Variants in SBF2 observed in about 807,000 individuals in gnomAD.
The protein encoded by SBF2 is myotubularin-related protein 13.
SBF2 carries 112 observed loss-of-function variants against 225.2 expected under a neutral mutation model. That is an observed-to-expected ratio of 0.50 (90% CI 0.43 to 0.58). SBF2 has a LOEUF of 0.58. Among genes scored for constraint, SBF2 ranks in the 20% least tolerant of loss-of-function variants. The probability of loss-of-function intolerance (pLI) is 0.00; values close to 1 mark genes in which losing one functional copy is unlikely to be tolerated. For missense variants in SBF2, 1,996 were observed against 2,206.2 expected, an observed-to-expected ratio of 0.90 and a Z score of 1.91; for synonymous variants, 763 against 773.3, an observed-to-expected ratio of 0.99 and a Z score of 0.22.
chr11:9,912,807 A>G (rs1862751477), intron 16 of SBF2, among the ~76,000 whole-genome samples: 1 of 152,234 alleles, frequency 6.6e-6, no homozygotes, highest in African/African-American at 2.4e-5. Context: ...CCCACTGTCA[A>G]TTTAAAAATT....
intron 16 of SBF2, among the ~76,000 whole-genome samples, chr11:9,941,216 G>A (rs1865230747): frequency 6.6e-6 from 1 of 152,178 alleles, no homozygotes; most frequent in South Asian, 2.1e-4. Flanking sequence ...ACAGGAGAGT[G>A]AGGTGGGAGG....
chr11:10,286,166 G>GCGCGCGCACACACACACA (rs373771420), intron 1 of SBF2, among the ~76,000 whole-genome samples: 14 of 147,238 alleles, frequency 9.5e-5, no homozygotes, highest in African/African-American at 3.5e-4. Context: ...ACACGCACAC[G>GCGCGCGCACACACACACA]CACACACACA....
chr11:10,014,521 A>G (rs921598932), intron 6 of SBF2, among the ~76,000 whole-genome samples: 1 of 150,182 alleles, frequency 6.7e-6, no homozygotes, highest in Non-Finnish European at 1.5e-5. Flanking sequence ...AAAAAAAAAA[A>G]AAAAAAACGA....
rs1018798391 is a variant in SBF2 at position 9,913,500 on chromosome 11, A to G, written c.1861-17489T>C. ...TACTTAGAAAAAAACATTTGACCTC[A>G]TTTAATAAAGTTGAACATATGCATA... On this transcript the variant is annotated intron_variant, in intron 16 of 39. Transcript: ENST00000256190. Among the ~76,000 whole-genome samples, 49 of 152,176 alleles carry G rather than the reference A, an allele frequency of 3.2e-4. 2 individuals carry two copies. Among genetic ancestry groups the G allele is most frequent in the Non-Finnish European group, 1.5e-5 (1 of 68,026 alleles).
chr11:9,947,930 T>C (rs956181718), intron 16 of SBF2, among the ~76,000 whole-genome samples: 1 of 152,198 alleles, frequency 6.6e-6, no homozygotes, highest in Non-Finnish European at 1.5e-5. Flanking sequence ...ATTCTACTTT[T>C]GGCTGTATAC....
At chr11:9,825,705 T>G (rs754951677) in intron 28 of SBF2, among the ~76,000 whole-genome samples, 1 of 152,076 alleles carries the variant, frequency 6.6e-6, no homozygotes, top group Admixed American at 6.6e-5. Flanking sequence ...AGGAATGGAG[T>G]ATCAATGGAC....
chr11:9,841,496 C>T (rs765521590), intron 25 of SBF2, among the ~76,000 whole-genome samples: 13 of 151,766 alleles, frequency 8.6e-5, no homozygotes, highest in Non-Finnish European at 4.4e-5. Flanking sequence ...ATGTTCTCAC[C>T]CAGGGCATGC....
intron 17 of SBF2, among the ~76,000 whole-genome samples, chr11:9,874,835 C>T (rs1327350720): frequency 6.6e-6 from 1 of 152,162 alleles, no homozygotes; most frequent in Non-Finnish European, 1.5e-5. Context: ...TCTTGACTTG[C>T]ATGTACATCT....
At chr11:10,143,220 G>A (rs1954730843) in intron 2 of SBF2, among the ~76,000 whole-genome samples, 1 of 152,016 alleles carries the variant, frequency 6.6e-6, no homozygotes, top group African/African-American at 2.4e-5. Flanking sequence ...TGCCCAGGCG[G>A]GAGTGCAATG....
chr11:9,787,532 C>G (rs1264039359), intron 36 of SBF2, 102 bp downstream of exon 36: 3 of 965,558 alleles, frequency 3.1e-6, no homozygotes, highest in Admixed American at 1.9e-5. Flanking sequence ...TCCTTCTGGC[C>G]ATAAACCCAG....
At chr11:10,031,564 A>T (rs548589545) in intron 3 of SBF2, among the ~76,000 whole-genome samples, 1 of 152,336 alleles carries the variant, frequency 6.6e-6, no homozygotes, top group East Asian at 1.9e-4. Flanking sequence ...TTTCAAAAGA[A>T]GATGTTTTGC....
chr11:9,891,836 C>T (rs1358439017), intron 17 of SBF2, among the ~76,000 whole-genome samples: 2 of 152,014 alleles, frequency 1.3e-5, no homozygotes, highest in Non-Finnish European at 2.9e-5. Flanking sequence ...CTAAGACAGG[C>T]GATGTTACAA....
intron 16 of SBF2, chr11:9,956,567 C>CTTTTTTTT (rs146834020): frequency 8.6e-6 from 1 of 116,932 alleles, no homozygotes; most frequent in African/African-American, 2.9e-5. Context: ...TTCCTTAACT[C>CTTTTTTTT]TTTTTTTTTT....
intron 1 of SBF2, among the ~76,000 whole-genome samples, chr11:10,264,054 A>G (rs73419172): frequency 0.011 from 1,639 of 152,308 alleles, 34 homozygotes; most frequent in African/African-American, 0.037. Flanking sequence ...TTACTAAGGA[A>G]TATTTGTCAA....
chr11:10,286,141 A>G (rs1313365638), intron 1 of SBF2, among the ~76,000 whole-genome samples: 1 of 148,512 alleles, frequency 6.7e-6, no homozygotes, highest in Non-Finnish European at 1.5e-5. Flanking sequence ...AGAGATTTTA[A>G]ATTTCTTCAC....
Position 9,790,919 on chromosome 11 carries a change from C to CA in SBF2, c.4571-237dup. 3 of 409,670 alleles carry CA rather than the reference C, an allele frequency of 7.3e-6. No homozygotes were observed. The South Asian group carries it at 7.3e-5, about 10-fold the overall frequency. The allele number at this position is 409,670 out of a possible 1,614,324, so 25.4% of individuals were successfully genotyped here. On this transcript the variant is annotated intron_variant, in intron 33 of 39. Coordinates refer to ENST00000256190, the MANE Select transcript of SBF2 (RefSeq NM_030962.4). Reference sequence around the variant, plus strand: ...ATCTGATAAAGTTTGCCTAAGCAGCCAGCAGTCTATCAATCATGACTCTTC... The same window carrying CA: ...ATCTGATAAAGTTTGCCTAAGCAGCCAAGCAGTCTATCAATCATGACTCTTC...
intron 6 of SBF2, among the ~76,000 whole-genome samples, chr11:10,017,922 G>T (rs1041877155): frequency 6.6e-6 from 1 of 152,064 alleles, no homozygotes; most frequent in South Asian, 2.1e-4. Flanking sequence ...CTAGCTCTGA[G>T]GTAATAACAT....
intron 1 of SBF2, among the ~76,000 whole-genome samples, chr11:10,269,336 C>T (rs192025000): frequency 3.3e-5 from 5 of 152,234 alleles, no homozygotes; most frequent in East Asian, 1.9e-4. Flanking sequence ...AAAAGATAGG[C>T]GTGCCAGTTT....
intron 2 of SBF2, among the ~76,000 whole-genome samples, chr11:10,045,177 T>C (rs991496802): frequency 6.6e-6 from 1 of 151,804 alleles, no homozygotes; most frequent in Admixed American, 6.5e-5. Flanking sequence ...TTTTCTTTTT[T>C]TTTTTTTTTG....
Sources: allele counts gnomAD v4.1 joint callset (sites outside exome capture counted in the v4.1 genomes callset), GRCh38; gene constraint gnomAD v4.1.1; transcripts MANE v1.5; gene names NCBI Gene and HGNC (gene_info 2026-07-23, HGNC 2026-07-21).